PROS1: variants seen among roughly 807,000 people sequenced by gnomAD.
The protein encoded by PROS1 is vitamin K-dependent protein S.
In PROS1, 29 loss-of-function variants were observed where a neutral mutation model predicts 75.9. The observed-to-expected ratio is 0.38, with a 90% CI of 0.28 to 0.52. The LOEUF (loss-of-function observed/expected upper bound fraction) is 0.52, where lower values mean the gene tolerates loss of function less well. Ranked by LOEUF, PROS1 falls within the 20% of genes least tolerant of loss-of-function variation. The probability of loss-of-function intolerance (pLI) is 0.83; values close to 1 mark genes in which losing one functional copy is unlikely to be tolerated. For synonymous variants in PROS1, 245 were observed against 280.6 expected (o/e 0.87, Z 1.27); for missense variants, 680 against 810.3 (o/e 0.84, Z 1.95).
chr3:93,901,009 C>T, intron 6 of PROS1, 80 bp from the exon 7 acceptor site: 1 of 1,500,132 alleles, frequency 6.7e-7, no homozygotes, highest in South Asian at 1.2e-5. Flanking sequence ...TTTGTGTTTC[C>T]TGGATCTTGT....
chr3:93,940,095 C>T (rs552204095), intron 1 of PROS1, among the ~76,000 whole-genome samples: 1 of 152,350 alleles, frequency 6.6e-6, no homozygotes, highest in Non-Finnish European at 1.5e-5. Context: ...GAAATCTGGC[C>T]ACTGGGCCAA....
At chr3:93,908,497 G>T (rs1429646571) in intron 4 of PROS1, among the ~76,000 whole-genome samples, 1 of 152,146 alleles carries the variant, frequency 6.6e-6, no homozygotes, top group African/African-American at 2.4e-5. Flanking sequence ...GAAAAAATGT[G>T]TGTGTATGGA....
intron 1 of PROS1, 52 bp from the exon 2 acceptor site, chr3:93,927,459 T>C (rs1709036865): frequency 6.5e-7 from 1 of 1,549,536 alleles, no homozygotes; most frequent in Non-Finnish European, 8.8e-7. Flanking sequence ...ATGTAAAATA[T>C]ATTGTTTTAT....
rs73846070 is a variant in PROS1, at chr3:93,927,257, G to A, written c.227C>T (p.Pro76Leu). The stretch of plus-strand genomic sequence containing the variant: ...GTTTCCATAAATGCTTACCGTTTCC[G>A]GGTCATTTTCAAAGACCTCCCTGGC... ...EEAREVFENDPETDYFYPKYL... is the reference protein window; with the variant it reads ...EEAREVFENDLETDYFYPKYL... The change falls in exon 2 of 15, where the codon CCG becomes CTG. Residue 76 changes from proline (P) to leucine (L), a missense_variant. Coordinates refer to ENST00000394236, the MANE Select transcript of PROS1 (RefSeq NM_000313.4). 1.4e-3 allele frequency: 2,193 copies of A among 1,612,234 alleles called. 7 individuals are homozygous for A. The highest frequency in any genetic ancestry group is 7.6e-3 in the Middle Eastern group (35 of 4,582).
chr3:93,957,864 T>C (rs1010385050), intron 1 of PROS1, among the ~76,000 whole-genome samples: 1 of 151,828 alleles, frequency 6.6e-6, no homozygotes, highest in East Asian at 1.9e-4. Context: ...CTGAGGCGGG[T>C]GGATCACCTG....
chr3:93,969,725 G>A (rs1709846159), intron 1 of PROS1, among the ~76,000 whole-genome samples: 1 of 152,170 alleles, frequency 6.6e-6, no homozygotes, highest in Admixed American at 6.5e-5. Context: ...CCATTCAGTA[G>A]CCTTCCAATA....
intron 4 of PROS1, among the ~76,000 whole-genome samples, chr3:93,908,253 T>C (rs1169565516): frequency 6.6e-6 from 1 of 152,140 alleles, no homozygotes. Context: ...AAATAATGGT[T>C]TTTCAAATAT....
At chr3:93,913,788 T>C (rs1217431561) in intron 3 of PROS1, among the ~76,000 whole-genome samples, 8 of 152,120 alleles carry the variant, frequency 5.3e-5, no homozygotes, top group African/African-American at 1.9e-4. Context: ...AAGTCCAAAG[T>C]CTCATCTAAA....
intron 14 of PROS1, among the ~76,000 whole-genome samples, chr3:93,875,950 T>G (rs1323234384): frequency 6.6e-6 from 1 of 152,194 alleles, no homozygotes; most frequent in Non-Finnish European, 1.5e-5. Context: ...TTTCCAATAT[T>G]CAGTTAAAGA....
At chr3:93,932,917 G>A (rs1309412279) in intron 1 of PROS1, among the ~76,000 whole-genome samples, 1 of 152,138 alleles carries the variant, frequency 6.6e-6, no homozygotes, top group Non-Finnish European at 1.5e-5. Flanking sequence ...CAGGTTTTAG[G>A]ATAGCTTATC....
At chr3:93,891,708 C>A (rs1043096677) in intron 10 of PROS1, among the ~76,000 whole-genome samples, 1 of 152,082 alleles carries the variant, frequency 6.6e-6, no homozygotes, top group African/African-American at 2.4e-5. Flanking sequence ...CTGCGCCCAG[C>A]CTAAAATGCT....
intron 10 of PROS1, among the ~76,000 whole-genome samples, chr3:93,886,983 A>G (rs1186261488): frequency 7.9e-5 from 12 of 151,028 alleles, no homozygotes; most frequent in African/African-American, 2.7e-4. Flanking sequence ...CAGTGGCGCA[A>G]TCTCGGCTCA....
chr3:93,917,464 C>A (rs1406568154), intron 3 of PROS1, among the ~76,000 whole-genome samples: 2 of 152,228 alleles, frequency 1.3e-5, no homozygotes, highest in Admixed American at 1.3e-4. Flanking sequence ...GCAGCCCTTG[C>A]AGCCCTCGCT....
intron 1 of PROS1, among the ~76,000 whole-genome samples, chr3:93,931,110 AT>A (rs1302812665): frequency 6.6e-6 from 1 of 152,216 alleles, no homozygotes; most frequent in Non-Finnish European, 1.5e-5. Flanking sequence ...TAATTATTTC[AT>A]TTGATTTTCA....
Position 93,905,768 on chromosome 3 carries a change from A to G in PROS1, c.601+16T>C. ...CACATAGTAAATGTGTTTTAATTCT[A>G]CCATCCTGCTCTTACCTTTACAATC... is the stretch of plus-strand genomic sequence containing the variant. On this transcript the variant is annotated intron_variant, in intron 6 of 14. Transcript: ENST00000394236. 6.2e-7 allele frequency: 1 copy of G among 1,609,394 alleles called. No homozygotes were observed. The highest frequency in any genetic ancestry group is 1.1e-5 in the South Asian group (1 of 90,754).
chr3:93,900,823 G>C lies in PROS1; in HGVS notation c.708C>G (p.Leu236=), dbSNP rs1231421585. The part of the protein sequence containing the change: ...CECPEGYRYN[L]KSKSCEDIDE... ...TCCTACCTTCACAAGACTTTGATTT[G>C]AGATTATATCTGTAGCCTTCGGGGC... Residue 236 remains leucine, a synonymous_variant, in exon 7 of 15, where the codon CTC becomes CTG. Coordinates refer to ENST00000394236, the MANE Select transcript of PROS1 (RefSeq NM_000313.4). 25 of 1,613,116 alleles carry C rather than the reference G, an allele frequency of 1.5e-5. No homozygotes were observed. The highest frequency in any genetic ancestry group is 2.1e-5 in the Non-Finnish European group (25 of 1,179,886).
intron 6 of PROS1, 97 bp from the exon 7 acceptor site, chr3:93,901,026 T>A: frequency 7.3e-7 from 1 of 1,373,448 alleles, no homozygotes. Context: ...TTGTTTAATA[T>A]ATGTAATGAG....
intron 4 of PROS1, among the ~76,000 whole-genome samples, chr3:93,909,910 G>A (rs760474784): frequency 1.5e-4 from 23 of 151,740 alleles, no homozygotes; most frequent in South Asian, 4.2e-4. Context: ...CTGTTCTTTC[G>A]TAAATTTTAA....
intron 2 of PROS1, among the ~76,000 whole-genome samples, chr3:93,926,962 G>A (rs1020492738): frequency 7.3e-5 from 11 of 150,982 alleles, no homozygotes; most frequent in Admixed American, 4.6e-4. Context: ...TCAAATTCTG[G>A]TTAGAAGAAA....
Sources: allele counts gnomAD v4.1 joint callset (sites outside exome capture counted in the v4.1 genomes callset), GRCh38; gene constraint gnomAD v4.1.1; transcripts MANE v1.5; gene names NCBI Gene and HGNC (gene_info 2026-07-23, HGNC 2026-07-21).